HMGCLL1: variants seen among roughly 807,000 people sequenced by gnomAD.
HMGCLL1 encodes the protein 3-hydroxymethyl-3-methylglutaryl-CoA lyase, cytoplasmic.
In HMGCLL1, 36 loss-of-function variants were observed where a neutral mutation model predicts 39.1. The ratio of observed to expected loss-of-function variants is 0.92; its 90% confidence interval spans 0.71 to 1.22. The LOEUF (loss-of-function observed/expected upper bound fraction) is 1.22, where lower values mean the gene tolerates loss of function less well. HMGCLL1 is among the 50% of genes most tolerant of loss of function. HMGCLL1 has a pLI of 0.00. For missense variants in HMGCLL1, 451 were observed against 416.5 expected (o/e 1.08, Z -0.72); for synonymous variants, 149 against 144.0 (o/e 1.03, Z -0.25).
intron 1 of HMGCLL1, among the ~76,000 whole-genome samples, chr6:55,548,164 G>T (rs1770103783): frequency 6.6e-6 from 1 of 151,990 alleles, no homozygotes; most frequent in African/African-American, 2.4e-5. Context: ...GTAAAGGAAG[G>T]TATCTGCTTA....
At chr6:55,528,589 TCA>T (rs1445461929) in intron 3 of HMGCLL1, among the ~76,000 whole-genome samples, 1 of 151,370 alleles carries the variant, frequency 6.6e-6, no homozygotes. Flanking sequence ...TTTTAATAAA[TCA>T]CAGTCTTACA....
At chr6:55,550,901 C>A (rs940124779) in intron 1 of HMGCLL1, among the ~76,000 whole-genome samples, 8 of 151,540 alleles carry the variant, frequency 5.3e-5, no homozygotes, top group African/African-American at 1.9e-4. Flanking sequence ...CATCCAAAAT[C>A]CATAGTGTTA....
chr6:55,655,803 A>T, the HMGCLL1 span, among the ~76,000 whole-genome samples: 4 of 152,010 alleles, frequency 2.6e-5, no homozygotes, highest in Admixed American at 1.3e-4. Flanking sequence ...ATCTTAGATG[A>T]CCTCATTATG....
intron 8 of HMGCLL1, 52 bp downstream of exon 8, chr6:55,439,382 A>T: frequency 6.4e-7 from 1 of 1,551,812 alleles, no homozygotes. Flanking sequence ...AAGCTTTGCA[A>T]TTTGGAGCTG....
chr6:55,532,202 T>C (rs1434387036), intron 3 of HMGCLL1, among the ~76,000 whole-genome samples: 2 of 152,154 alleles, frequency 1.3e-5, no homozygotes, highest in South Asian at 4.1e-4. Context: ...ATTATCATCC[T>C]ACTGAAAAGT....
At chr6:55,531,213 G>A (rs1323817075) in intron 3 of HMGCLL1, among the ~76,000 whole-genome samples, 3 of 152,082 alleles carry the variant, frequency 2.0e-5, no homozygotes, top group Non-Finnish European at 4.4e-5. Context: ...TTCCCAAAGT[G>A]GATTTCACTT....
chr6:55,474,602 A>AGGG (rs753055804), intron 7 of HMGCLL1, among the ~76,000 whole-genome samples: 3 of 151,496 alleles, frequency 2.0e-5, no homozygotes, highest in Admixed American at 6.6e-5. Context: ...TCATTCCAAT[A>AGGG]TCTGTGTCAT....
the HMGCLL1 span, among the ~76,000 whole-genome samples, chr6:55,643,041 T>C: frequency 3.9e-5 from 6 of 152,188 alleles, no homozygotes; most frequent in African/African-American, 1.2e-4. Flanking sequence ...CAACCTATCA[T>C]TGATGGGCAG....
At chr6:55,495,381 C>T (rs372501112) in intron 7 of HMGCLL1, 38 bp downstream of exon 7, 10 of 1,463,946 alleles carry the variant, frequency 6.8e-6, no homozygotes, top group Non-Finnish European at 8.5e-6. Context: ...AGATGAACAC[C>T]CTATGCACAC....
At chr6:55,654,893 A>G in the HMGCLL1 span, among the ~76,000 whole-genome samples, 1 of 151,862 alleles carries the variant, frequency 6.6e-6, no homozygotes, top group African/African-American at 2.4e-5. Context: ...ATAACCTTAA[A>G]TGAGGTTCTG....
chr6:55,514,238 A>T, intron 4 of HMGCLL1, 42 bp from the exon 5 acceptor site: 1 of 1,478,562 alleles, frequency 6.8e-7, no homozygotes, highest in Non-Finnish European at 9.2e-7. Context: ...ATAACTTCAA[A>T]AATGTGAATG....
chr6:55,610,202 T>C, the HMGCLL1 span, among the ~76,000 whole-genome samples: 1 of 151,998 alleles, frequency 6.6e-6, no homozygotes, highest in Non-Finnish European at 1.5e-5. Context: ...TTGACAGAAG[T>C]AGGCTTCAGA....
At chr6:55,663,345 A>G in the HMGCLL1 span, among the ~76,000 whole-genome samples, 16 of 151,150 alleles carry the variant, frequency 1.1e-4, no homozygotes, top group East Asian at 3.1e-3. Flanking sequence ...CCCTCTTAAC[A>G]CTGATTTAGC....
chr6:55,579,099 G>T lies in HMGCLL1; in HGVS notation c.-44C>A. 7.0e-7 allele frequency: 1 copy of T among 1,432,126 alleles called. No homozygotes were observed. Among genetic ancestry groups the T allele is most frequent in the Non-Finnish European group, 9.7e-7 (1 of 1,030,120 alleles). The allele number at this position is 1,432,126 out of a possible 1,614,324, so 88.7% of individuals were successfully genotyped here. ...AGTCGGCGAGGGGAGGGAGACTGGA[G>T]GAGGATGAGGGGCGGGCACCGCGCT... On this transcript the variant is annotated 5_prime_UTR_variant, in exon 1 of 9. Transcript: ENST00000274901.
At chr6:55,640,158 G>A in the HMGCLL1 span, among the ~76,000 whole-genome samples, 1 of 151,940 alleles carries the variant, frequency 6.6e-6, no homozygotes, top group Non-Finnish European at 1.5e-5. Context: ...AGGGGCAGGT[G>A]GGAGATAAGA....
intron 7 of HMGCLL1, among the ~76,000 whole-genome samples, chr6:55,472,438 A>G (rs948021940): frequency 4.7e-5 from 7 of 149,358 alleles, no homozygotes; most frequent in African/African-American, 1.5e-4. Flanking sequence ...GTGTCTCTTC[A>G]AGTTATTTGT....
the HMGCLL1 span, among the ~76,000 whole-genome samples, chr6:55,659,214 A>G: frequency 9.2e-5 from 14 of 151,874 alleles, no homozygotes; most frequent in Non-Finnish European, 1.9e-4. Context: ...TAGAGATGTC[A>G]TTCCCTGAGA....
chr6:55,487,565 T>C (rs1248087813), intron 7 of HMGCLL1, among the ~76,000 whole-genome samples: 7 of 152,022 alleles, frequency 4.6e-5, no homozygotes. Context: ...TCTGGTCGTG[T>C]GATAGTTTAC....
rs183144342 is a variant in HMGCLL1, at chr6:55,473,519, C to G, written c.795+21900G>C. ...CACCAGTACGTTGTAATAAAGTATC[C>G]CAAATTCATTCCTCCCATATTTTAT... On this transcript the variant is annotated intron_variant, in intron 7 of 8. Coordinates refer to ENST00000274901, the MANE Select transcript of HMGCLL1 (RefSeq NM_001042406.2). Among the ~76,000 whole-genome samples the G allele has an allele frequency of 1.2e-3, 187 of 151,308 alleles. 6 individuals are homozygous for G. The highest frequency in any genetic ancestry group is 0.012 in the Admixed American group (186 of 15,090).
Sources: allele counts gnomAD v4.1 joint callset (sites outside exome capture counted in the v4.1 genomes callset), GRCh38; gene constraint gnomAD v4.1.1; transcripts MANE v1.5; gene names NCBI Gene and HGNC (gene_info 2026-07-23, HGNC 2026-07-21).